The following MYO9B variants were observed in gnomAD, a reference collection of about 807,000 sequenced individuals.
The protein encoded by MYO9B is unconventional myosin-IXb.
In MYO9B, 71 loss-of-function variants were observed where a neutral mutation model predicts 229.5. The ratio of observed to expected loss-of-function variants is 0.31; its 90% CI spans 0.26 to 0.38. MYO9B has a LOEUF of 0.38. Ranked by LOEUF, MYO9B falls within the 10% of genes least tolerant of loss-of-function variation. The pLI is 1.00. For synonymous variants in MYO9B, 1,185 were observed against 1,235.8 expected (o/e 0.96, Z 0.86); for missense variants, 2,255 against 2,920.5 (o/e 0.77, Z 5.25).
chr19:17,154,994 C>T (rs563326376), intron 6 of MYO9B, among the ~76,000 whole-genome samples: 15 of 151,644 alleles, frequency 9.9e-5, no homozygotes, highest in South Asian at 2.1e-4. Flanking sequence ...ATGCTGGGTA[C>T]GGTTGTTCAC....
chr19:17,080,423 T>G (rs1046991351), intron 1 of MYO9B, among the ~76,000 whole-genome samples: 6 of 152,206 alleles, frequency 3.9e-5, no homozygotes, highest in Non-Finnish European at 8.8e-5. Flanking sequence ...CTCTCTCTGT[T>G]GGCTCATACA....
chr19:17,185,129 A>G (rs1193692185), intron 17 of MYO9B, 142 bp downstream of exon 17: 4 of 1,234,304 alleles, frequency 3.2e-6, no homozygotes, highest in Non-Finnish European at 4.5e-6. Context: ...TAATCCCAGC[A>G]CTTTGGGAGG....
chr19:17,191,837 G>A (rs529009291), intron 20 of MYO9B, among the ~76,000 whole-genome samples: 3 of 152,130 alleles, frequency 2.0e-5, no homozygotes, highest in Non-Finnish European at 2.9e-5. Flanking sequence ...TTAGCCAAGC[G>A]TGGTGGCATG....
intron 2 of MYO9B, among the ~76,000 whole-genome samples, chr19:17,120,867 A>G (rs1206555506): frequency 6.6e-6 from 1 of 152,166 alleles, no homozygotes; most frequent in East Asian, 1.9e-4. Flanking sequence ...AGTTGCAGAT[A>G]ACTCAGAAGA....
chr19:17,211,000 T>C (rs2073222077), intron 38 of MYO9B, 152 bp downstream of exon 38: 1 of 862,158 alleles, frequency 1.2e-6, no homozygotes, highest in Non-Finnish European at 1.7e-6. Context: ...TTTTTTTTTT[T>C]TTGAGACGGC....
intron 1 of MYO9B, among the ~76,000 whole-genome samples, chr19:17,078,625 G>A (rs1454296713): frequency 2.0e-5 from 3 of 152,174 alleles, no homozygotes; most frequent in Non-Finnish European, 2.9e-5. Context: ...TATGGGGGGA[G>A]AATTAGGGAC....
At chr19:17,139,349 C>G (rs184339487) in intron 2 of MYO9B, among the ~76,000 whole-genome samples, 6 of 151,796 alleles carry the variant, frequency 4.0e-5, no homozygotes, top group Admixed American at 3.9e-4. Flanking sequence ...TTTGCAAGGC[C>G]TAGGCAGGAA....
chr19:17,208,087 G>A (rs1020903485), intron 35 of MYO9B: 11 of 151,650 alleles, frequency 7.3e-5, no homozygotes, highest in African/African-American at 2.7e-4. Context: ...GGGAGGTGGA[G>A]GCTACATTGA....
rs1017904657 is a variant in MYO9B, at chr19:17,159,165, G to A, written c.1330-230G>A. 2.0e-5 allele frequency among the ~76,000 whole-genome samples: 3 copies of A among 150,538 alleles called. No individual in the cohort carries two copies. The South Asian group carries it at 6.3e-4, about 32-fold the overall frequency. ...GCCAGGATTGTGCCACTGCACTCTA[G>A]CCTGGGTGATAGAGTGAGACTCTGT... On this transcript the variant is annotated intron_variant, in intron 7 of 39. Coordinates refer to ENST00000682292, the MANE Select transcript of MYO9B (RefSeq NM_004145.4).
At chr19:17,170,688 G>C (rs1454207027) in intron 11 of MYO9B, among the ~76,000 whole-genome samples, 1 of 146,062 alleles carries the variant, frequency 6.8e-6, no homozygotes, top group African/African-American at 2.6e-5. Flanking sequence ...GCTGGGCACA[G>C]TGGCATGCAC....
Position 17,212,382 on chromosome 19 carries a change from G to A in MYO9B, c.*72G>A, listed in dbSNP as rs991792020. 9.3e-6 allele frequency: 13 copies of A among 1,393,314 alleles called. No individual in the cohort carries two copies. Among genetic ancestry groups the A allele is most frequent in the African/African-American group, 1.5e-5 (1 of 67,922 alleles). The allele number at this position is 1,393,314 out of a possible 1,614,324, so 86.3% of individuals were successfully genotyped here. On this transcript the variant is annotated 3_prime_UTR_variant, in exon 40 of 40. Transcript: ENST00000682292. The surrounding 1 kb of genome is among the most constrained non-coding windows in gnomAD (Gnocchi z 5.4). ...TGGAGCTGGGCGCCAGAGCTGCAGA[G>A]CTAGTGTTCGGCCCTCAGAGAAGGA...
Position 17,206,012 on chromosome 19 carries a change from C to T in MYO9B, c.5117C>T (p.Thr1706Ile), listed in dbSNP as rs1181883783. Residue 1706 changes from threonine to isoleucine, a missense_variant, in exon 32 of 40, where the codon ACC becomes ATC. This residue lies in a region of MYO9B where 416 missense variants were observed against 605.5 expected (regional missense o/e 0.69). Transcript: ENST00000682292. ...GHFGVCVDSLTSDKASVPIVL... is the reference protein window; with the variant it reads ...GHFGVCVDSLISDKASVPIVL... ...TTCGGCGTGTGCGTAGACAGCCTGA[C>T]CAGCGACAAGGCCTCGGTGCCCATC... 6.2e-7 allele frequency: 1 copy of T among 1,605,322 alleles called. No individual in the cohort carries two copies. The highest frequency in any genetic ancestry group is 1.1e-5 in the South Asian group (1 of 90,688).
At chr19:17,096,742 G>A (rs1175664877) in intron 1 of MYO9B, among the ~76,000 whole-genome samples, 2 of 131,306 alleles carry the variant, frequency 1.5e-5, no homozygotes, top group Non-Finnish European at 3.1e-5. Context: ...GTCTCGCTCT[G>A]TCGCCCAGGC....
At chr19:17,180,788 A>T in intron 14 of MYO9B, 139 bp from the exon 15 acceptor site, 1 of 591,422 alleles carries the variant, frequency 1.7e-6, no homozygotes, top group Non-Finnish European at 3.0e-6. Context: ...CATTGAGCAC[A>T]GTGTCTTTCC....
intron 1 of MYO9B, among the ~76,000 whole-genome samples, chr19:17,100,123 CAA>C (rs35572346): frequency 1.5e-5 from 2 of 130,044 alleles, no homozygotes; most frequent in Admixed American, 7.8e-5. Flanking sequence ...AACTCCATCT[CAA>C]AAAAAAAAAA....
chr19:17,087,969 G>A (rs2057599812), intron 1 of MYO9B, among the ~76,000 whole-genome samples: 2 of 151,672 alleles, frequency 1.3e-5, no homozygotes, highest in Non-Finnish European at 2.9e-5. Flanking sequence ...GCGTGGTGGT[G>A]GGTGCCTGTC....
chr19:17,197,334 A>G (rs1052717589), intron 22 of MYO9B, among the ~76,000 whole-genome samples: 2 of 152,046 alleles, frequency 1.3e-5, no homozygotes, highest in Admixed American at 6.6e-5. Flanking sequence ...GAAGGCAGAT[A>G]AAGAGGATGG....
intron 35 of MYO9B, 33 bp from the exon 36 acceptor site, chr19:17,209,553 T>G: frequency 6.4e-7 from 1 of 1,562,462 alleles, no homozygotes; most frequent in Non-Finnish European, 8.7e-7. Context: ...GGGCGGTAAC[T>G]GAGTCACTTC....
At chr19:17,189,834 C>T (rs184882377) in intron 19 of MYO9B, among the ~76,000 whole-genome samples, 13 of 152,000 alleles carry the variant, frequency 8.6e-5, no homozygotes, top group African/African-American at 3.1e-4. Context: ...GAGCCTGAGG[C>T]GGGCGGATCA....
Sources: allele counts gnomAD v4.1 joint callset (sites outside exome capture counted in the v4.1 genomes callset), GRCh38; gene constraint gnomAD v4.1.1; regional missense constraint gnomAD v4.1.1; non-coding constraint Gnocchi (gnomAD v3.1); transcripts MANE v1.5; gene names NCBI Gene and HGNC (gene_info 2026-07-23, HGNC 2026-07-21).